The following FHIT variants were observed in gnomAD, a reference collection of about 807,000 sequenced individuals.
FHIT encodes the protein fragile histidine triad diadenosine triphosphatase, also known as bis(5'-adenosyl)-triphosphatase.
In FHIT, 19 loss-of-function variants were observed where a neutral mutation model predicts 17.9. That is an observed-to-expected ratio of 1.06 (90% CI 0.74 to 1.56). The LOEUF (loss-of-function observed/expected upper bound fraction) is 1.56, where lower values mean the gene tolerates loss of function less well. FHIT is among the 40% of genes most tolerant of loss of function. The pLI, the probability that FHIT is intolerant of heterozygous loss-of-function variation, is 0.00. For synonymous variants in FHIT, 81 were observed against 69.7 expected (o/e 1.16, Z -0.81); for missense variants, 248 against 189.2 (o/e 1.31, Z -1.82).
At chr3:60,205,083 G>C (rs1703110687) in intron 5 of FHIT, among the ~76,000 whole-genome samples, 2 of 147,470 alleles carry the variant, frequency 1.4e-5, no homozygotes, top group African/African-American at 2.5e-5. Context: ...GTGACAATGA[G>C]ACCCTGCCTC....
At chr3:60,330,398 A>C (rs957119241) in intron 5 of FHIT, among the ~76,000 whole-genome samples, 7 of 152,186 alleles carry the variant, frequency 4.6e-5, no homozygotes, top group African/African-American at 1.7e-4. Context: ...GTCCTCATCC[A>C]GCAGAGTCTT....
chr3:60,751,730 A>T (rs1053686901), intron 4 of FHIT, among the ~76,000 whole-genome samples: 12 of 135,620 alleles, frequency 8.8e-5, no homozygotes, highest in African/African-American at 3.5e-4. Flanking sequence ...AAAATCTTTA[A>T]TGGTAGTATT....
At chr3:60,602,176 G>A (rs1481518122) in intron 4 of FHIT, among the ~76,000 whole-genome samples, 1 of 152,130 alleles carries the variant, frequency 6.6e-6, no homozygotes, top group African/African-American at 2.4e-5. Flanking sequence ...ATCCATGGGT[G>A]GAAATGATAC....
At chr3:60,521,356 T>C (rs1445803865) in intron 5 of FHIT, among the ~76,000 whole-genome samples, 4 of 152,138 alleles carry the variant, frequency 2.6e-5, no homozygotes, top group Non-Finnish European at 4.4e-5. Context: ...CACGCCATTC[T>C]CCTGCCTCAA....
intron 5 of FHIT, among the ~76,000 whole-genome samples, chr3:60,430,625 T>G (rs151739): frequency 0.17 from 25,380 of 152,046 alleles, 2,860 homozygotes; most frequent in African/African-American, 0.31. Flanking sequence ...GATACTTCAC[T>G]CTTCACTGTA....
intron 4 of FHIT, among the ~76,000 whole-genome samples, chr3:60,648,254 G>A (rs551171930): frequency 8.5e-4 from 129 of 152,220 alleles, no homozygotes; most frequent in Non-Finnish European, 1.6e-3. Context: ...ACTGAACTGC[G>A]CTTTTGTTAT....
chr3:60,094,479 A>G (rs1419727650), intron 5 of FHIT, among the ~76,000 whole-genome samples: 2 of 152,202 alleles, frequency 1.3e-5, no homozygotes, highest in African/African-American at 4.8e-5. Context: ...CTGATACAGA[A>G]ATGAAATTAA....
intron 4 of FHIT, among the ~76,000 whole-genome samples, chr3:60,803,123 AG>A (rs1701253409): frequency 6.6e-6 from 1 of 152,198 alleles, no homozygotes; most frequent in Non-Finnish European, 1.5e-5. Context: ...TAAGAAAACA[AG>A]TCTTCCGGTT....
At chr3:60,391,922 GTTTC>G (rs1701247828) in intron 5 of FHIT, among the ~76,000 whole-genome samples, 1 of 150,926 alleles carries the variant, frequency 6.6e-6, no homozygotes, top group South Asian at 2.1e-4. Flanking sequence ...TTTCCTTAAT[GTTTC>G]TTTCTTCTTT....
At chr3:61,220,510 T>C (rs2039808458) in intron 1 of FHIT, among the ~76,000 whole-genome samples, 1 of 152,250 alleles carries the variant, frequency 6.6e-6, no homozygotes, top group Non-Finnish European at 1.5e-5. Flanking sequence ...GAAACTCAGA[T>C]ACATTTAGAG....
At chr3:60,565,758 C>A (rs2037112544) in intron 4 of FHIT, among the ~76,000 whole-genome samples, 1 of 152,138 alleles carries the variant, frequency 6.6e-6, no homozygotes, top group African/African-American at 2.4e-5. Context: ...GTCTCTATTT[C>A]CTTCAGTTCC....
intron 4 of FHIT, among the ~76,000 whole-genome samples, chr3:60,637,368 T>C (rs2039614775): frequency 6.6e-6 from 1 of 152,210 alleles, no homozygotes; most frequent in Non-Finnish European, 1.5e-5. Flanking sequence ...AGATAAGGGC[T>C]ATGCCTGTCT....
At chr3:60,267,983 T>A (rs1427227590) in intron 5 of FHIT, among the ~76,000 whole-genome samples, 1 of 152,202 alleles carries the variant, frequency 6.6e-6, no homozygotes, top group Non-Finnish European at 1.5e-5. Flanking sequence ...TAAAAATGAC[T>A]TCGTGCAATC....
chr3:61,164,631 AT>A (rs34779032), intron 2 of FHIT, among the ~76,000 whole-genome samples: 146,835 of 150,670 alleles, frequency 0.97, 71,570 homozygotes, highest in South Asian at 0.99. Context: ...TGTGGTAAGA[AT>A]TTTTTTTTTT....
intron 5 of FHIT, among the ~76,000 whole-genome samples, chr3:60,104,128 G>C (rs1292824448): frequency 6.6e-6 from 1 of 152,082 alleles, no homozygotes; most frequent in East Asian, 1.9e-4. Context: ...ACTCATTTTG[G>C]GGAGGAAAAA....
chr3:61,187,806 C>T (rs2038568556), intron 2 of FHIT, among the ~76,000 whole-genome samples: 1 of 152,210 alleles, frequency 6.6e-6, no homozygotes, highest in East Asian at 1.9e-4. Context: ...TACATGGAAA[C>T]TGAACAACCT....
At chr3:60,571,534 T>A (rs2037384531) in intron 4 of FHIT, among the ~76,000 whole-genome samples, 1 of 151,998 alleles carries the variant, frequency 6.6e-6, no homozygotes. Flanking sequence ...GGAATTTGCA[T>A]ACGCTCTGGG....
At position 60,790,403 on chromosome 3, in the gene FHIT, A is replaced by G. The variant is rs182118119; in HGVS notation, c.-18+31516T>C. 1.1e-4 allele frequency among the ~76,000 whole-genome samples: 16 copies of G among 152,344 alleles called. No homozygotes were observed. The East Asian group carries it at 3.1e-3, about 29-fold the overall frequency. On this transcript the variant is annotated intron_variant, in intron 4 of 9. Coordinates refer to ENST00000492590, the MANE Select transcript of FHIT (RefSeq NM_002012.4). ...AAATAAGCATGGCATCACTCGCTCC[A>G]GTTAAATTTACCTTGGCATTTAGCC...
At chr3:60,426,519 T>C (rs1559903599) in intron 5 of FHIT, among the ~76,000 whole-genome samples, 1 of 152,138 alleles carries the variant, frequency 6.6e-6, no homozygotes, top group Non-Finnish European at 1.5e-5. Context: ...CTCTTCTACA[T>C]ATGCATCTAT....
Sources: gnomAD v4.1 joint callset for allele counts (sites outside exome capture counted in the v4.1 genomes callset) on GRCh38, gnomAD v4.1.1 for gene constraint, MANE v1.5 for transcripts, NCBI Gene and HGNC (gene_info 2026-07-23, HGNC 2026-07-21) for gene names.